Variants in ARIH1 observed in about 807,000 individuals in gnomAD.
The protein encoded by ARIH1 is E3 ubiquitin-protein ligase ARIH1.
In ARIH1, 8 loss-of-function variants were observed where a neutral mutation model predicts 85.0. That is an observed-to-expected ratio of 0.09 (90% CI 0.06 to 0.17). ARIH1 has a LOEUF of 0.17. Among genes scored for constraint, ARIH1 ranks in the 10% least tolerant of loss-of-function variants. ARIH1 has a pLI of 1.00. For synonymous variants in ARIH1, 238 were observed against 253.6 expected (o/e 0.94, Z 0.59); for missense variants, 311 against 718.1 (o/e 0.43, Z 6.48).
intron 1 of ARIH1, among the ~76,000 whole-genome samples, chr15:72,507,974 A>G (rs2080625636): frequency 6.6e-6 from 1 of 152,232 alleles, no homozygotes; most frequent in African/African-American, 2.4e-5. Context: ...TTAGAGCAGT[A>G]GTTCCCAGTT....
Position 72,561,556 on chromosome 15 carries a change from G to T in ARIH1, c.804+7G>T. 1.3e-6 allele frequency: 2 copies of T among 1,505,310 alleles called. No individual in the cohort carries two copies. The highest frequency in any genetic ancestry group is 1.9e-5 in the Admixed American group (1 of 53,056). The allele number at this position is 1,505,310 out of a possible 1,614,324, so 93.2% of individuals were successfully genotyped here. ...AACAAATAGCTTTGTAGAGGTAAGT[G>T]ATTTGTTTTCCTTCTTGTAAGAAGG... On this transcript the variant is annotated splice_region_variant and intron_variant, in intron 6 of 13. Coordinates refer to ENST00000379887, the MANE Select transcript of ARIH1 (RefSeq NM_005744.5).
At chr15:72,508,401 T>C (rs551173114) in intron 1 of ARIH1, among the ~76,000 whole-genome samples, 1 of 152,344 alleles carries the variant, frequency 6.6e-6, no homozygotes, top group Non-Finnish European at 1.5e-5. Context: ...CACACCGAAG[T>C]GAATTTCTCT....
intron 1 of ARIH1, among the ~76,000 whole-genome samples, chr15:72,480,140 A>G (rs2140390121): frequency 6.6e-6 from 1 of 152,128 alleles, no homozygotes; most frequent in Non-Finnish European, 1.5e-5. Context: ...AAGTGCTGGG[A>G]TTACAGGCAT....
chr15:72,491,746 T>C (rs954800167), intron 1 of ARIH1, among the ~76,000 whole-genome samples: 4 of 152,214 alleles, frequency 2.6e-5, no homozygotes, highest in Non-Finnish European at 4.4e-5. Flanking sequence ...ACAACTGTTA[T>C]GTGAAATAGG....
intron 5 of ARIH1, among the ~76,000 whole-genome samples, chr15:72,560,501 T>G (rs892779696): frequency 3.9e-5 from 6 of 152,206 alleles, no homozygotes; most frequent in African/African-American, 1.4e-4. Flanking sequence ...TTCAAAGAAT[T>G]TACCTTCAAT....
chr15:72,499,916 T>TC (rs955600339), intron 1 of ARIH1, among the ~76,000 whole-genome samples: 42 of 152,204 alleles, frequency 2.8e-4, no homozygotes, highest in South Asian at 2.3e-3. Flanking sequence ...AACACTTTTT[T>TC]CCCCCCTGCA....
chr15:72,501,854 G>C (rs2140402042), intron 1 of ARIH1, among the ~76,000 whole-genome samples: 1 of 152,234 alleles, frequency 6.6e-6, no homozygotes. Flanking sequence ...CCTGGTTCTT[G>C]GCTCTACCTT....
At chr15:72,549,856 G>A (rs1252753274) in intron 3 of ARIH1, among the ~76,000 whole-genome samples, 1 of 152,172 alleles carries the variant, frequency 6.6e-6, no homozygotes, top group African/African-American at 2.4e-5. Context: ...TTGATCGGAT[G>A]TATTTGTGAT....
Position 72,508,068 on chromosome 15 carries a change from G to A in ARIH1, c.376-9999G>A, listed in dbSNP as rs187582582. On this transcript the variant is annotated intron_variant, in intron 1 of 13. Coordinates refer to ENST00000379887, the MANE Select transcript of ARIH1 (RefSeq NM_005744.5). ...ATATATTCATATTCTACCCTTGACA[G>A]TTGAATCAGAATTGCTGGGGGCAAA... 7.2e-5 allele frequency among the ~76,000 whole-genome samples: 11 copies of A among 152,312 alleles called. No homozygotes were observed. In the East Asian group the frequency reaches 1.5e-3, roughly 21 times the overall value.
intron 3 of ARIH1, among the ~76,000 whole-genome samples, chr15:72,552,700 A>G (rs143374468): frequency 6.6e-6 from 1 of 152,206 alleles, no homozygotes; most frequent in East Asian, 1.9e-4. Context: ...CCTCTGGAAG[A>G]ATATGTAAAA....
chr15:72,502,820 T>TA (rs952059360), intron 1 of ARIH1, among the ~76,000 whole-genome samples: 11 of 151,442 alleles, frequency 7.3e-5, no homozygotes, highest in South Asian at 2.1e-4. Flanking sequence ...AAAATAAAAT[T>TA]AAAAAAAAGA....
At chr15:72,522,186 A>G (rs1595860229) in intron 2 of ARIH1, among the ~76,000 whole-genome samples, 1 of 152,214 alleles carries the variant, frequency 6.6e-6, no homozygotes, top group East Asian at 1.9e-4. Flanking sequence ...GGCAATTTAC[A>G]GTCTTAAGGG....
intron 1 of ARIH1, among the ~76,000 whole-genome samples, chr15:72,497,092 G>A (rs1048025315): frequency 5.3e-5 from 8 of 152,338 alleles, no homozygotes; most frequent in African/African-American, 1.4e-4. Flanking sequence ...AAAGTAAATG[G>A]CATTTGCCAC....
chr15:72,475,043 C>CG (rs1470275416), intron 1 of ARIH1, 29 bp downstream of exon 1: 1 of 1,546,568 alleles, frequency 6.5e-7, no homozygotes, highest in Non-Finnish European at 8.7e-7. Flanking sequence ...CCAGCTGGAC[C>CG]GGGCCCGACG....
chr15:72,512,895 T>G (rs1353266066), intron 1 of ARIH1, among the ~76,000 whole-genome samples: 1 of 152,108 alleles, frequency 6.6e-6, no homozygotes, highest in Non-Finnish European at 1.5e-5. Context: ...TCTATCAGTT[T>G]TTTCTTTATT....
chr15:72,484,577 G>C (rs1236526986), intron 1 of ARIH1, among the ~76,000 whole-genome samples: 2 of 151,414 alleles, frequency 1.3e-5, no homozygotes, highest in African/African-American at 4.9e-5. Flanking sequence ...TCCCATCCAG[G>C]TTGATGCAAA....
chr15:72,578,816 G>GTT (rs11385438), intron 11 of ARIH1, among the ~76,000 whole-genome samples: 2,100 of 140,858 alleles, frequency 0.015, 75 homozygotes, highest in Middle Eastern at 0.022. Flanking sequence ...GTTTTTTGGT[G>GTT]TTTTGTTTTT....
intron 1 of ARIH1, chr15:72,475,308 G>T: frequency 2.1e-6 from 1 of 475,132 alleles, no homozygotes; most frequent in Non-Finnish European, 3.5e-6. Flanking sequence ...TCCCTGGGCC[G>T]GGTGTCCTTT....
intron 1 of ARIH1, among the ~76,000 whole-genome samples, chr15:72,516,429 A>T (rs1379422966): frequency 7.0e-4 from 4 of 5,748 alleles, no homozygotes; most frequent in Non-Finnish European, 0.053. Context: ...AGTTCTTTTA[A>T]AAAAAAAGTT....
Sources: gnomAD v4.1 joint callset for allele counts (sites outside exome capture counted in the v4.1 genomes callset) on GRCh38, gnomAD v4.1.1 for gene constraint, MANE v1.5 for transcripts, NCBI Gene and HGNC (gene_info 2026-07-23, HGNC 2026-07-21) for gene names.